The following ZNF69 variants were observed in gnomAD, a reference collection of about 807,000 sequenced individuals.
The protein encoded by ZNF69 is ZNF3.
ZNF69 carries 47 observed loss-of-function variants against 50.9 expected under a neutral mutation model. The observed-to-expected ratio is 0.92, with a 90% CI of 0.73 to 1.18. The LOEUF is 1.18. ZNF69 is among the 50% of genes most tolerant of loss of function. The pLI is 0.00. For synonymous variants in ZNF69, 216 were observed against 223.1 expected, an observed-to-expected ratio of 0.97 and a Z score of 0.29; for missense variants, 717 against 675.1, an observed-to-expected ratio of 1.06 and a Z score of -0.69.
At chr19:11,929,863 CTGCCT>C in the ZNF69 span, among the ~76,000 whole-genome samples, 3 of 148,472 alleles carry the variant, frequency 2.0e-5, no homozygotes, top group Non-Finnish European at 2.9e-5. Context: ...AAAATCCTTT[CTGCCT>C]CTCCTCCTTT....
chr19:11,912,670 A>G (rs1972474457), intron 4 of ZNF69, among the ~76,000 whole-genome samples: 1 of 152,218 alleles, frequency 6.6e-6, no homozygotes, highest in African/African-American at 2.4e-5. Flanking sequence ...ATGTCATGAA[A>G]GGACTCACAC....
the ZNF69 span, among the ~76,000 whole-genome samples, chr19:11,961,413 T>C: frequency 9.9e-5 from 15 of 152,194 alleles, no homozygotes; most frequent in African/African-American, 3.6e-4. Flanking sequence ...CCATGGTGTT[T>C]TGTTATACTA....
chr19:11,936,869 G>A, the ZNF69 span, among the ~76,000 whole-genome samples: 20 of 152,296 alleles, frequency 1.3e-4, no homozygotes, highest in East Asian at 2.5e-3. Flanking sequence ...TTTGTGTAAG[G>A]TGTAAGGAAG....
At chr19:11,932,291 C>G in the ZNF69 span, among the ~76,000 whole-genome samples, 1 of 147,424 alleles carries the variant, frequency 6.8e-6, no homozygotes, top group Non-Finnish European at 1.5e-5. Flanking sequence ...CTGCAGTGAG[C>G]TATGATTGCA....
chr19:11,951,343 T>A, the ZNF69 span, among the ~76,000 whole-genome samples: 1 of 150,946 alleles, frequency 6.6e-6, no homozygotes, highest in Non-Finnish European at 1.5e-5. Context: ...ATTCTCCTGC[T>A]TCAGCCTCCT....
At chr19:11,894,470 T>C (rs1226435510) in intron 1 of ZNF69, among the ~76,000 whole-genome samples, 3 of 152,356 alleles carry the variant, frequency 2.0e-5, no homozygotes, top group East Asian at 1.9e-4. Context: ...GATTGTCTTT[T>C]GGTTGAGGCT....
the ZNF69 span, among the ~76,000 whole-genome samples, chr19:11,974,273 T>C: frequency 4.0e-4 from 60 of 151,376 alleles, no homozygotes; most frequent in South Asian, 1.5e-3. Flanking sequence ...CTCAGCTCAC[T>C]GCTGCCTCTG....
the ZNF69 span, among the ~76,000 whole-genome samples, chr19:11,964,721 C>G: frequency 3.9e-5 from 6 of 152,192 alleles, no homozygotes; most frequent in Non-Finnish European, 1.5e-5. Context: ...GTCTGAAATT[C>G]CCTGCACACT....
downstream of ZNF69, among the ~76,000 whole-genome samples, chr19:11,908,847 C>G (rs1307613239): frequency 6.6e-6 from 1 of 152,084 alleles, no homozygotes; most frequent in South Asian, 2.1e-4. Flanking sequence ...GAGACAGAGA[C>G]AGAAAAAACC....
the ZNF69 span, among the ~76,000 whole-genome samples, chr19:11,962,504 G>A: frequency 6.6e-6 from 1 of 152,036 alleles, no homozygotes; most frequent in Admixed American, 6.6e-5. Context: ...GGGAATAAAG[G>A]CACATGCCAA....
chr19:11,964,919 G>GA, the ZNF69 span: 23 of 431,728 alleles, frequency 5.3e-5, 1 homozygote, highest in Non-Finnish European at 3.4e-5. Context: ...TGCCGGGCCT[G>GA]ATACCCAAGG....
At chr19:11,914,315 CAA>C (rs5827139) in exon 5 of ZNF69, 1,469 of 134,756 alleles carry the variant, frequency 0.011, 16 homozygotes, top group African/African-American at 0.035. Context: ...AACTCCGTTT[CAA>C]AAAAAAAAAA....
chr19:11,969,651 C>T, the ZNF69 span, among the ~76,000 whole-genome samples: 1 of 152,198 alleles, frequency 6.6e-6, no homozygotes, highest in Non-Finnish European at 1.5e-5. Context: ...TTTCCCCTTA[C>T]ATTTTCCAAA....
intron 4 of ZNF69, among the ~76,000 whole-genome samples, chr19:11,912,616 G>A (rs185943218): frequency 6.6e-6 from 1 of 151,816 alleles, no homozygotes; most frequent in Admixed American, 6.6e-5. Flanking sequence ...AACCCTATGA[G>A]TGTATGCCAT....
At chr19:11,900,875 G>A (rs771537217) in intron 1 of ZNF69, among the ~76,000 whole-genome samples, 1 of 152,066 alleles carries the variant, frequency 6.6e-6, no homozygotes, top group Non-Finnish European at 1.5e-5. Context: ...TTTTTGTGTT[G>A]TGTGTGAAAC....
the ZNF69 span, among the ~76,000 whole-genome samples, chr19:11,959,874 C>G: frequency 6.6e-6 from 1 of 152,064 alleles, no homozygotes; most frequent in African/African-American, 2.4e-5. Context: ...TTATCTAACT[C>G]ACTTTTTGTT....
chr19:11,938,556 A>G, the ZNF69 span, among the ~76,000 whole-genome samples: 1 of 152,176 alleles, frequency 6.6e-6, no homozygotes, highest in African/African-American at 2.4e-5. Flanking sequence ...CCTACAAAGG[A>G]CATGAACTCA....
At chr19:11,952,305 G>A in the ZNF69 span, among the ~76,000 whole-genome samples, 1 of 152,122 alleles carries the variant, frequency 6.6e-6, no homozygotes, top group Non-Finnish European at 1.5e-5. Context: ...TTACTAGAAA[G>A]TACCTTAGTT....
chr19:11,965,256 C>G, the ZNF69 span: 3 of 1,613,216 alleles, frequency 1.9e-6, no homozygotes, highest in Non-Finnish European at 2.5e-6. Context: ...TAGAGGCTGC[C>G]TGGAACCGGC....
Sources: allele counts gnomAD v4.1 joint callset (sites outside exome capture counted in the v4.1 genomes callset), GRCh38; gene constraint gnomAD v4.1.1; transcripts MANE v1.5; gene names NCBI Gene and HGNC (gene_info 2026-07-23, HGNC 2026-07-21).